The following PPT1 variants were observed in gnomAD, a reference collection of about 807,000 sequenced individuals.
The protein encoded by PPT1 is palmitoyl-protein thioesterase 1.
Under a neutral mutation model 44.0 loss-of-function variants are expected in PPT1, and 24 were observed. The observed-to-expected ratio is 0.54, with a 90% CI of 0.39 to 0.77. The LOEUF (loss-of-function observed/expected upper bound fraction) is 0.77. Among genes scored for constraint, PPT1 ranks in the 30% least tolerant of loss-of-function variants. The pLI, the probability that PPT1 is intolerant of heterozygous loss-of-function variation, is 0.00. For synonymous variants in PPT1, 148 were observed against 140.2 expected (o/e 1.06, Z -0.39); for missense variants, 341 against 378.8 (o/e 0.90, Z 0.83).
chr1:40,093,595 T>C (rs1229623081), intron 1 of PPT1, among the ~76,000 whole-genome samples: 3 of 152,116 alleles, frequency 2.0e-5, no homozygotes, highest in Admixed American at 2.0e-4. Context: ...GCTTCAAAAG[T>C]CCATACAGGA....
chr1:40,090,634 A>G (rs1649516045), intron 4 of PPT1, among the ~76,000 whole-genome samples: 1 of 152,218 alleles, frequency 6.6e-6, no homozygotes, highest in Non-Finnish European at 1.5e-5. Flanking sequence ...TACTTTTAAA[A>G]AGTATTTTCC....
At chr1:40,078,455 G>A in intron 7 of PPT1, 105 bp downstream of exon 7, 1 of 1,142,688 alleles carries the variant, frequency 8.8e-7, no homozygotes, top group Non-Finnish European at 1.3e-6. Context: ...ACCCGCCTTG[G>A]CCTCCCAGAG....
chr1:40,091,375 A>AG lies in PPT1; in HGVS notation c.386dup (p.Ser130PhefsTer32), dbSNP rs1439358409. 6.2e-7 allele frequency: 1 copy of AG among 1,613,904 alleles called. No homozygotes were observed. The highest frequency in any genetic ancestry group is 8.5e-7 in the Non-Finnish European group (1 of 1,179,938). On this transcript the variant is annotated frameshift_variant, in exon 4 of 9. Transcript: ENST00000642050. LOFTEE classifies it high-confidence loss of function. ...AGATCAGATTGATCATGGGAGGTGAAGGGCATCTCTGAGCCACTGCCCTCC... is the reference window on the plus strand; with the variant it reads ...AGATCAGATTGATCATGGGAGGTGAAGGGGCATCTCTGAGCCACTGCCCTCC...
At chr1:40,092,019 G>A in intron 3 of PPT1, 26 bp downstream of exon 3, 1 of 1,613,030 alleles carries the variant, frequency 6.2e-7, no homozygotes. Context: ...CATATAAGTG[G>A]TACAATATAA....
chr1:40,089,560 G>A (rs751505213), intron 4 of PPT1, 48 bp from the exon 5 acceptor site: 31 of 1,349,358 alleles, frequency 2.3e-5, no homozygotes, highest in Admixed American at 5.1e-5. Context: ...ATGATGTATC[G>A]AATACCCACT....
In PPT1 at chr1:40,073,222, T is replaced by G. The variant is rs1648364093; in HGVS notation, c.*839A>C. The G allele has an allele frequency of 6.6e-6, 1 of 152,270 alleles. No individual in the cohort carries two copies. The highest frequency in any genetic ancestry group is 1.5e-5 in the Non-Finnish European group (1 of 68,074). The allele number at this position is 152,270 out of a possible 1,614,324, so 9.4% of individuals were successfully genotyped here. On this transcript the variant is annotated 3_prime_UTR_variant, in exon 9 of 9. Transcript: ENST00000642050. ...ATCTTTTTCATATGGTTCCTCCTAT[T>G]CTCTGCTAAAGCCAGCAACAGAGTA...
rs201892691 is a variant in PPT1 at position 40,089,455 on chromosome 1, C to T, written c.491G>A (p.Arg164Gln). 5 of 1,614,006 alleles carry T rather than the reference C, an allele frequency of 3.1e-6. No individual in the cohort carries two copies. Among genetic ancestry groups the T allele is most frequent in the African/African-American group, 1.3e-5 (1 of 74,972 alleles). Residue 164 changes from arginine (R) to glutamine (Q), a missense_variant, in exon 5 of 9, where the codon CGA becomes CAA. Coordinates refer to ENST00000642050, the MANE Select transcript of PPT1 (RefSeq NM_000310.4). ...GESSHICDFI[R>Q]KTLNAGAYSK... ...GTACGCCCCAGCATTCAGTGTTTTT[C>T]GGATGAAGTCACAGATGTGAGAGCT... is the stretch of plus-strand genomic sequence containing the variant.
rs561517001 is a variant in PPT1 at position 40,079,262 on chromosome 1, G to A, written c.628-604C>T. 5.9e-5 allele frequency among the ~76,000 whole-genome samples: 9 copies of A among 152,192 alleles called. No homozygotes were observed. The South Asian group carries it at 1.2e-3, about 21-fold the overall frequency. On this transcript the variant is annotated intron_variant, in intron 6 of 8. Coordinates refer to ENST00000642050, the MANE Select transcript of PPT1 (RefSeq NM_000310.4). ...TCTACCGCTGATGGGCACCTAGGTT[G>A]ATTTCATGTCTTTGCTATGGTGAAC...
intron 8 of PPT1, 151 bp from the exon 9 acceptor site, chr1:40,074,334 CT>C: frequency 1.1e-6 from 1 of 900,418 alleles, no homozygotes; most frequent in Non-Finnish European, 1.7e-6. Flanking sequence ...AAAAGAATAT[CT>C]CCTACTTCTT....
chr1:40,078,049 A>G (rs1648717967), intron 7 of PPT1, among the ~76,000 whole-genome samples: 1 of 152,210 alleles, frequency 6.6e-6, no homozygotes. Context: ...ATAATTTTGC[A>G]TAGAATTTTG....
Position 40,073,982 on chromosome 1 carries a change from TG to T in PPT1, c.*78del. 2 of 1,580,578 alleles carry T rather than the reference TG, an allele frequency of 1.3e-6. No homozygotes were observed. The highest frequency in any genetic ancestry group is 1.7e-5 in the Admixed American group (1 of 59,946). Reference sequence around the variant, plus strand: ...TGCAAGCTGGATCTGAGCTCAGGCTTGGGCATGAAGGAAACTGTCTCCCATG... The same window carrying T: ...TGCAAGCTGGATCTGAGCTCAGGCTTGGCATGAAGGAAACTGTCTCCCATG... On this transcript the variant is annotated 3_prime_UTR_variant, in exon 9 of 9. Coordinates refer to ENST00000642050, the MANE Select transcript of PPT1 (RefSeq NM_000310.4).
At chr1:40,076,197 G>A (rs1648618202) in intron 8 of PPT1, among the ~76,000 whole-genome samples, 1 of 151,984 alleles carries the variant, frequency 6.6e-6, no homozygotes, top group Non-Finnish European at 1.5e-5. Context: ...AGGCGCACTG[G>A]CTCACGCCTG....
chr1:40,076,670 TAATC>T (rs1648647539), intron 8 of PPT1, 168 bp downstream of exon 8: 2 of 1,462,508 alleles, frequency 1.4e-6, no homozygotes, highest in Non-Finnish European at 1.8e-6. Context: ...CTAGAGCACA[TAATC>T]AAGAGCCTAA....
Position 40,074,112 on chromosome 1 carries a change from A to C in PPT1, c.870T>G (p.Leu290=). ...LVFLATEGDH[L]QLSEEWFYAH... Reference sequence around the variant, plus strand: ...CATAAAACCATTCTTCAGACAACTGAAGATGGTCCCCTTCTGTAGCCAGAA... The same window carrying C: ...CATAAAACCATTCTTCAGACAACTGCAGATGGTCCCCTTCTGTAGCCAGAA... Residue 290 remains leucine (L), a synonymous_variant, in exon 9 of 9, where the codon CTT becomes CTG. Transcript: ENST00000642050. The C allele has an allele frequency of 1.2e-6, 2 of 1,614,190 alleles. No homozygotes were observed. The highest frequency in any genetic ancestry group is 1.7e-6 in the Non-Finnish European group (2 of 1,180,024).
chr1:40,094,482 C>T (rs995314378), intron 1 of PPT1, among the ~76,000 whole-genome samples: 4 of 152,082 alleles, frequency 2.6e-5, no homozygotes, highest in Non-Finnish European at 1.5e-5. Context: ...TTGGGACCCC[C>T]GCTCTAGGGC....
downstream of PPT1, chr1:40,072,237 A>T: frequency 2.7e-6 from 1 of 367,044 alleles, no homozygotes; most frequent in African/African-American, 2.4e-5. Context: ...CTTCCTATAG[A>T]GATGACTTTA....
chr1:40,093,904 ATCC>A, intron 1 of PPT1: 1 of 584,280 alleles, frequency 1.7e-6, no homozygotes, highest in African/African-American at 2.1e-5. Flanking sequence ...AAAAAAAAAA[ATCC>A]ATATAGGCCA....
chr1:40,077,949 T>A (rs1355428850), intron 7 of PPT1, among the ~76,000 whole-genome samples: 1 of 152,164 alleles, frequency 6.6e-6, no homozygotes, highest in Non-Finnish European at 1.5e-5. Context: ...ATTTATATAT[T>A]TTGGGCTAGT....
chr1:40,096,439 C>T (rs547788737), intron 1 of PPT1, among the ~76,000 whole-genome samples: 2 of 150,950 alleles, frequency 1.3e-5, no homozygotes, highest in African/African-American at 2.4e-5. Context: ...AAATGGGAAA[C>T]CCAAAATCTG....
Sources: allele counts gnomAD v4.1 joint callset (sites outside exome capture counted in the v4.1 genomes callset), GRCh38; gene constraint gnomAD v4.1.1; transcripts MANE v1.5; gene names NCBI Gene and HGNC (gene_info 2026-07-23, HGNC 2026-07-21).